Variants in POLR2J observed in about 807,000 individuals in gnomAD.
POLR2J encodes the protein RNA polymerase II subunit J, also known as DNA-directed RNA polymerase II subunit RPB11-a.
A neutral mutation model predicts 13.4 loss-of-function variants in POLR2J; 12 were observed. The observed-to-expected ratio is 0.90, with a 90% CI of 0.57 to 1.45. POLR2J has a LOEUF of 1.45. Among genes scored for constraint, POLR2J ranks in the 40% most tolerant of loss-of-function variants. The pLI is 0.00. For synonymous variants in POLR2J, 31 were observed against 53.6 expected, an observed-to-expected ratio of 0.58 and a Z score of 1.84; for missense variants, 58 against 132.0, an observed-to-expected ratio of 0.44 and a Z score of 2.75.
rs1250944834 is a variant in POLR2J, at chr7:102,474,218, G to A, written c.318+143C>T. ...AGCCCCTCAGTCCACATGTCCTGGA[G>A]CCTGTGGTGGAAGTCCCTGCTCTTC... is the stretch of plus-strand genomic sequence containing the variant. On this transcript the variant is annotated intron_variant, in intron 3 of 3. Transcript: ENST00000292614. 1.9e-6 allele frequency: 3 copies of A among 1,562,064 alleles called. No individual in the cohort carries two copies. In the African/African-American group the frequency reaches 4.1e-5, roughly 21 times the overall value.
In POLR2J at chr7:102,473,342, TC is replaced by T; in HGVS notation, c.*306del. The T allele has an allele frequency of 1.8e-6, 1 of 565,454 alleles. No homozygotes were observed. The highest frequency in any genetic ancestry group is 3.0e-6 in the Non-Finnish European group (1 of 328,966). 35.0% of individuals were successfully genotyped at this position (565,454 alleles called of 1,614,324 possible). A position where few individuals can be genotyped will look rare whatever the true frequency, so the allele number is the denominator to read the frequency against. Reference sequence around the variant, plus strand: ...CAGCCCCTGGACCCCGGATCTTTGGTCCAGAATGAATTCATCCCTGCCAGCC... The same window carrying T: ...CAGCCCCTGGACCCCGGATCTTTGGTCAGAATGAATTCATCCCTGCCAGCC... On this transcript the variant is annotated 3_prime_UTR_variant, in exon 4 of 4. Coordinates refer to ENST00000292614, the MANE Select transcript of POLR2J (RefSeq NM_006234.6).
chr7:102,478,895 C>T lies in POLR2J; in HGVS notation c.-35G>A, dbSNP rs761932908. 1.2e-5 allele frequency: 17 copies of T among 1,460,506 alleles called. No individual in the cohort carries two copies. In the East Asian group the frequency reaches 3.0e-4, roughly 26 times the overall value. The allele number at this position is 1,460,506 out of a possible 1,614,324, so 90.5% of individuals were successfully genotyped here. ...GCCGTTGCGTCCAGACCCCAAGGGT[C>T]CGCCGCCGCCGCCACCAGAGCCCTA... On this transcript the variant is annotated 5_prime_UTR_variant, in exon 1 of 4. Transcript: ENST00000292614.
In POLR2J at chr7:102,473,824, A is replaced by C. The variant is rs914290663; in HGVS notation, c.319-140T>G. ...CACTCCCCAGGACAGTGGAGCAGCCAAAGGGCCCTCCCAGCTGGCCCAATC... is the reference window on the plus strand; with the variant it reads ...CACTCCCCAGGACAGTGGAGCAGCCCAAGGGCCCTCCCAGCTGGCCCAATC... On this transcript the variant is annotated intron_variant, in intron 3 of 3. Transcript: ENST00000292614. 1.2e-5 allele frequency: 17 copies of C among 1,470,334 alleles called. No individual in the cohort carries two copies. In the Admixed American group the frequency reaches 4.2e-4, roughly 36 times the overall value. The allele number at this position is 1,470,334 out of a possible 1,614,324, so 91.1% of individuals were successfully genotyped here. A position where few individuals can be genotyped will look rare whatever the true frequency, so the allele number is the denominator to read the frequency against.
Position 102,478,911 on chromosome 7 carries a change from C to A in POLR2J, c.-51G>T, listed in dbSNP as rs1275650323. On this transcript the variant is annotated 5_prime_UTR_variant, in exon 1 of 4. Coordinates refer to ENST00000292614, the MANE Select transcript of POLR2J (RefSeq NM_006234.6). ...CCCAAGGGTCCGCCGCCGCCGCCACCAGAGCCCTAATAAGAGGCCTCTTCC... is the reference window on the plus strand; with the variant it reads ...CCCAAGGGTCCGCCGCCGCCGCCACAAGAGCCCTAATAAGAGGCCTCTTCC... 4 of 1,609,134 alleles carry A rather than the reference C, an allele frequency of 2.5e-6. No individual in the cohort carries two copies. The Admixed American group carries it at 5.0e-5, about 20-fold the overall frequency.
chr7:102,473,868 G>A, intron 3 of POLR2J, 184 bp from the exon 4 acceptor site: 3 of 1,442,358 alleles, frequency 2.1e-6, no homozygotes, highest in East Asian at 2.5e-5. Flanking sequence ...CTCTATGGCA[G>A]CCCCGGCAGG....
At chr7:102,473,826 A>T (rs947209333) in intron 3 of POLR2J, 142 bp from the exon 4 acceptor site, 2 of 1,468,252 alleles carry the variant, frequency 1.4e-6, no homozygotes, top group Non-Finnish European at 1.8e-6. Flanking sequence ...GAGCAGCCAA[A>T]GGGCCCTCCC....
Position 102,477,912 on chromosome 7 carries a change from T to C in POLR2J, c.53+896A>G, listed in dbSNP as rs781670037. Among the ~76,000 whole-genome samples the C allele has an allele frequency of 7.0e-3, 910 of 130,410 alleles. 53 individuals are homozygous for C. The highest frequency in any genetic ancestry group is 0.011 in the Non-Finnish European group (660 of 59,122). 85.6% of individuals were successfully genotyped at this position (130,410 alleles called of 152,430 possible). On this transcript the variant is annotated intron_variant, in intron 1 of 3. Transcript: ENST00000292614. Reference sequence around the variant, plus strand: ...TCACTGCAGCCTGGAACTCCTGTGCTCAAGCAATCCTCCCACCTGAGCCTC... The same window carrying C: ...TCACTGCAGCCTGGAACTCCTGTGCCCAAGCAATCCTCCCACCTGAGCCTC...
chr7:102,474,061 A>C, intron 3 of POLR2J: 1 of 1,414,100 alleles, frequency 7.1e-7, no homozygotes, highest in Non-Finnish European at 9.3e-7. Flanking sequence ...GCCAATCACC[A>C]ACAAGGGACG....
rs1046081079 is a variant in POLR2J, at chr7:102,473,840, T to A, written c.319-156A>T. On this transcript the variant is annotated intron_variant, in intron 3 of 3. Transcript: ENST00000292614. ...GGAGCAGCCAAAGGGCCCTCCCAGC[T>A]GGCCCAATCCAGCCATTCTCTATGG... is the stretch of plus-strand genomic sequence containing the variant. 3 of 1,454,776 alleles carry A rather than the reference T, an allele frequency of 2.1e-6. No individual in the cohort carries two copies. In the African/African-American group the frequency reaches 4.3e-5, roughly 21 times the overall value. The allele number at this position is 1,454,776 out of a possible 1,614,324, so 90.1% of individuals were successfully genotyped here. A position where few individuals can be genotyped will look rare whatever the true frequency, so the allele number is the denominator to read the frequency against.
chr7:102,473,935 C>CA (rs1798328333), intron 3 of POLR2J: 2 of 1,434,842 alleles, frequency 1.4e-6, no homozygotes, highest in East Asian at 2.5e-5. Flanking sequence ...TGAAATCCCC[C>CA]AAGCTGTGGC....
chr7:102,473,462 C>CCCATCCAGGTCTCTT lies in POLR2J; in HGVS notation c.*186_*187insAAGAGACCTGGATGG, dbSNP rs1798297612. Reference sequence around the variant, plus strand: ...TGCTCAAGTCCACATCCAGGTCTCTCCCGCTATACTTTATTAGGAATATAA... The same window carrying CCCATCCAGGTCTCTT: ...TGCTCAAGTCCACATCCAGGTCTCTCCCATCCAGGTCTCTTCCGCTATACTTTATTAGGAATATAA... On this transcript the variant is annotated 3_prime_UTR_variant, in exon 4 of 4. Transcript: ENST00000292614. 2.5e-6 allele frequency: 2 copies of CCCATCCAGGTCTCTT among 796,654 alleles called. No individual in the cohort carries two copies. The highest frequency in any genetic ancestry group is 3.8e-5 in the African/African-American group (2 of 53,232). The allele number at this position is 796,654 out of a possible 1,614,324, so 49.3% of individuals were successfully genotyped here.
Position 102,473,695 on chromosome 7 carries a change from A to C in POLR2J, c.319-11T>G. On this transcript the variant is annotated splice_polypyrimidine_tract_variant and intron_variant, in intron 3 of 3. Coordinates refer to ENST00000292614, the MANE Select transcript of POLR2J (RefSeq NM_006234.6). Reference sequence around the variant, plus strand: ...GTCTTTTATGGCCACCTGGGAGAGAAGAAGGTGGTGGAGACTGAGCTGGAA... The same window carrying C: ...GTCTTTTATGGCCACCTGGGAGAGACGAAGGTGGTGGAGACTGAGCTGGAA... 6.2e-7 allele frequency: 1 copy of C among 1,613,798 alleles called. No homozygotes were observed. The highest frequency in any genetic ancestry group is 1.3e-5 in the African/African-American group (1 of 75,006).
At chr7:102,475,934 AAAC>A (rs1347507819) in intron 2 of POLR2J, among the ~76,000 whole-genome samples, 11 of 105,124 alleles carry the variant, frequency 1.0e-4, no homozygotes, top group Admixed American at 9.9e-4. Context: ...AAAAACAAAC[AAAC>A]AAACAGTGAA....
Position 102,474,355 on chromosome 7 carries a change from C to T in POLR2J, c.318+6G>A, listed in dbSNP as rs1264205626. 6.2e-7 allele frequency: 1 copy of T among 1,611,908 alleles called. No homozygotes were observed. The highest frequency in any genetic ancestry group is 1.7e-5 in the Admixed American group (1 of 59,960). On this transcript the variant is annotated splice_donor_region_variant and intron_variant, in intron 3 of 3. Coordinates refer to ENST00000292614, the MANE Select transcript of POLR2J (RefSeq NM_006234.6). ...CCCCGTCTGCCCCTCCAGGCCCCGCCCTCACCCGAAAGCGCTCCTCCAGCA... is the reference window on the plus strand; with the variant it reads ...CCCCGTCTGCCCCTCCAGGCCCCGCTCTCACCCGAAAGCGCTCCTCCAGCA...
chr7:102,474,895 A>C (rs984198186), intron 2 of POLR2J, among the ~76,000 whole-genome samples: 6 of 150,018 alleles, frequency 4.0e-5, no homozygotes, highest in African/African-American at 1.5e-4. Flanking sequence ...GCAGCAAATA[A>C]AGGCAGCAGG....
chr7:102,474,183 C>G, intron 3 of POLR2J, 178 bp downstream of exon 3: 1 of 1,546,332 alleles, frequency 6.5e-7, no homozygotes, highest in Non-Finnish European at 8.7e-7. Context: ...GCCACAGGCC[C>G]AGACTCCACA....
chr7:102,475,030 G>GC (rs1798385214), intron 2 of POLR2J, among the ~76,000 whole-genome samples: 1 of 151,524 alleles, frequency 6.6e-6, no homozygotes. Flanking sequence ...CGCGTACTGT[G>GC]CCCTGGGCAC....
intron 2 of POLR2J, among the ~76,000 whole-genome samples, chr7:102,474,779 C>T (rs563822321): frequency 1.6e-5 from 2 of 126,062 alleles, no homozygotes; most frequent in South Asian, 4.9e-4. Flanking sequence ...TTCCAGCAAC[C>T]TCTTCCCACC....
At chr7:102,475,514 C>T (rs991054248) in intron 2 of POLR2J, among the ~76,000 whole-genome samples, 2 of 152,220 alleles carry the variant, frequency 1.3e-5, no homozygotes, top group East Asian at 1.9e-4. Context: ...AGGTCACAAA[C>T]GGGTGGCATG....
Sources: gnomAD v4.1 joint callset for allele counts (sites outside exome capture counted in the v4.1 genomes callset) on GRCh38, gnomAD v4.1.1 for gene constraint, MANE v1.5 for transcripts, NCBI Gene and HGNC (gene_info 2026-07-23, HGNC 2026-07-21) for gene names.